IRAK1BP1: variants seen among roughly 807,000 people sequenced by gnomAD.
IRAK1BP1 encodes the protein interleukin 1 receptor associated kinase 1 binding protein 1, also known as interleukin-1 receptor-associated kinase 1-binding protein 1.
In IRAK1BP1, 24 loss-of-function variants were observed where a neutral mutation model predicts 28.0. The ratio of observed to expected loss-of-function variants is 0.86; its 90% CI spans 0.62 to 1.20. IRAK1BP1 has a LOEUF of 1.20. Among genes scored for constraint, IRAK1BP1 ranks in the 50% most tolerant of loss-of-function variants. The pLI is 0.00. For synonymous variants in IRAK1BP1, 131 were observed against 116.3 expected, an observed-to-expected ratio of 1.13 and a Z score of -0.81; for missense variants, 336 against 316.7, an observed-to-expected ratio of 1.06 and a Z score of -0.46.
At chr6:78,934,267 TA>T (rs947397073) in intron 4 of IRAK1BP1, among the ~76,000 whole-genome samples, 2 of 152,200 alleles carry the variant, frequency 1.3e-5, no homozygotes, top group African/African-American at 4.8e-5. Flanking sequence ...CATGGACAGA[TA>T]GAATGAGATT....
intron 4 of IRAK1BP1, among the ~76,000 whole-genome samples, chr6:78,944,329 G>C (rs1000646585): frequency 6.6e-6 from 1 of 152,140 alleles, no homozygotes; most frequent in Non-Finnish European, 1.5e-5. Flanking sequence ...CTGTGTGTAC[G>C]TACACACATC....
chr6:78,908,345 C>T (rs546204215), intron 4 of IRAK1BP1, among the ~76,000 whole-genome samples: 3 of 151,992 alleles, frequency 2.0e-5, no homozygotes, highest in Non-Finnish European at 2.9e-5. Context: ...CCACCACACT[C>T]GGCCATTATT....
chr6:78,960,575 T>C, the IRAK1BP1 span, among the ~76,000 whole-genome samples: 4 of 152,076 alleles, frequency 2.6e-5, no homozygotes, highest in African/African-American at 7.2e-5. Flanking sequence ...TCTACGCTTT[T>C]TGACAAATAT....
rs557469720 is a variant in IRAK1BP1 at position 78,883,549 on chromosome 6, A to G, written c.316-1829A>G. ...AAATTATCTCTCTAATAATTTTTCAATCAGAAGTTTATCAAGTGAAGTGGG... is the reference window on the plus strand; with the variant it reads ...AAATTATCTCTCTAATAATTTTTCAGTCAGAAGTTTATCAAGTGAAGTGGG... On this transcript the variant is annotated intron_variant, in intron 1 of 3. Coordinates refer to ENST00000369940, the MANE Select transcript of IRAK1BP1 (RefSeq NM_001010844.4). Among the ~76,000 whole-genome samples, 190 of 152,136 alleles carry G rather than the reference A, an allele frequency of 1.2e-3. 3 individuals are homozygous for G. Among genetic ancestry groups the G allele is most frequent in the Non-Finnish European group, 1.6e-3 (111 of 68,014 alleles).
the IRAK1BP1 span, among the ~76,000 whole-genome samples, chr6:78,952,060 G>T: frequency 0.19 from 29,392 of 151,918 alleles, 3,107 homozygotes; most frequent in Admixed American, 0.25. Context: ...CTTATTCTAG[G>T]TAAAGATTCT....
rs141899217 is a variant in IRAK1BP1, at chr6:78,879,216, G to A, written c.316-6162G>A. Among the ~76,000 whole-genome samples, 17 of 152,144 alleles carry A rather than the reference G, an allele frequency of 1.1e-4. No individual in the cohort carries two copies. In the East Asian group the frequency reaches 3.3e-3, roughly 29 times the overall value. ...GGCCTGTCTTGGGGTGGGGGTAGGG[G>A]GTAGGGATAGCATTAGGAGATACAC... On this transcript the variant is annotated intron_variant, in intron 1 of 3. Coordinates refer to ENST00000369940, the MANE Select transcript of IRAK1BP1 (RefSeq NM_001010844.4).
At chr6:78,973,177 T>G in the IRAK1BP1 span, among the ~76,000 whole-genome samples, 2 of 152,180 alleles carry the variant, frequency 1.3e-5, no homozygotes, top group African/African-American at 4.8e-5. Flanking sequence ...ACAGCGGATC[T>G]CTCAGCAGAA....
rs1771951968 is a variant in IRAK1BP1, at chr6:78,897,951, G to A, written c.504G>A (p.Glu168=). Residue 168 remains glutamate, a synonymous_variant, in exon 3 of 4, where the codon GAG becomes GAA. Transcript: ENST00000369940. Reference sequence around the variant, plus strand: ...TCTATCATACTCCAGGTTCTGTTGAGAATCTTCGGTAAGTTTAAGCACATC... The same window carrying A: ...TCTATCATACTCCAGGTTCTGTTGAAAATCTTCGGTAAGTTTAAGCACATC... ...PQFYHTPGSV[E]NLRRQACLVA... 6.2e-7 allele frequency: 1 copy of A among 1,613,872 alleles called. No homozygotes were observed. Among genetic ancestry groups the A allele is most frequent in the African/African-American group, 1.3e-5 (1 of 75,042 alleles).
At chr6:78,881,440 G>A (rs1011779218) in intron 1 of IRAK1BP1, among the ~76,000 whole-genome samples, 1 of 152,140 alleles carries the variant, frequency 6.6e-6, no homozygotes, top group South Asian at 2.1e-4. Context: ...TGGTACTGGA[G>A]TGGTACATAC....
chr6:78,903,039 G>C lies in IRAK1BP1; in HGVS notation c.*4705G>C, dbSNP rs763985117. 1.0e-4 allele frequency: 159 copies of C among 1,533,612 alleles called. 1 individual carries two copies. Among genetic ancestry groups the C allele is most frequent in the South Asian group, 3.5e-4 (29 of 83,968 alleles). On this transcript the variant is annotated 3_prime_UTR_variant, in exon 4 of 4. Transcript: ENST00000369940. ...ACATCCCAACCAACAATTACTCCCA[G>C]ATAGCCATGTCACCTGTGAATTATC... is the stretch of plus-strand genomic sequence containing the variant.
chr6:78,872,338 C>A (rs1161942290), intron 1 of IRAK1BP1, among the ~76,000 whole-genome samples: 29 of 152,152 alleles, frequency 1.9e-4, no homozygotes, highest in African/African-American at 2.4e-5. Context: ...TTTCTAGGGG[C>A]ACCCAAATTA....
At chr6:78,885,875 A>G (rs997376468) in intron 2 of IRAK1BP1, among the ~76,000 whole-genome samples, 5 of 152,206 alleles carry the variant, frequency 3.3e-5, no homozygotes, top group Non-Finnish European at 7.4e-5. Context: ...CCTTTATACA[A>G]ATTAAAAAGA....
the IRAK1BP1 span, chr6:78,969,778 C>T: frequency 7.7e-6 from 6 of 776,994 alleles, no homozygotes; most frequent in Non-Finnish European, 1.2e-5. Flanking sequence ...TAGTAAATCA[C>T]TTACTAAGAA....
chr6:78,872,351 A>G (rs1225184713), intron 1 of IRAK1BP1, among the ~76,000 whole-genome samples: 1 of 152,190 alleles, frequency 6.6e-6, no homozygotes, highest in Non-Finnish European at 1.5e-5. Context: ...CCAAATTAAG[A>G]TAAGAAGTAG....
At chr6:78,914,553 T>G (rs1294199921) in intron 4 of IRAK1BP1, among the ~76,000 whole-genome samples, 2 of 152,230 alleles carry the variant, frequency 1.3e-5, no homozygotes, top group African/African-American at 4.8e-5. Context: ...TTGTCTAAAT[T>G]CCATGTCTTC....
chr6:78,947,523 A>G (rs991669591), downstream of IRAK1BP1: 6 of 598,776 alleles, frequency 1.0e-5, no homozygotes, highest in Non-Finnish European at 1.7e-5. Context: ...TGTAACAGAA[A>G]GTTAACTTTG....
intron 2 of IRAK1BP1, among the ~76,000 whole-genome samples, chr6:78,887,818 A>G (rs1449120692): frequency 6.6e-6 from 1 of 152,224 alleles, no homozygotes; most frequent in Non-Finnish European, 1.5e-5. Flanking sequence ...AATTAAAAAT[A>G]GAACTACGAT....
the IRAK1BP1 span, among the ~76,000 whole-genome samples, chr6:78,973,176 C>G: frequency 2.0e-5 from 3 of 152,262 alleles, no homozygotes; most frequent in African/African-American, 7.2e-5. Flanking sequence ...AACAGCGGAT[C>G]TCTCAGCAGA....
At chr6:78,932,262 G>A (rs1324057252) in intron 4 of IRAK1BP1, among the ~76,000 whole-genome samples, 1 of 151,868 alleles carries the variant, frequency 6.6e-6, no homozygotes, top group East Asian at 1.9e-4. Flanking sequence ...CCAAATTTCG[G>A]TTAAAGTTGA....
Sources: allele counts gnomAD v4.1 joint callset (sites outside exome capture counted in the v4.1 genomes callset), GRCh38; gene constraint gnomAD v4.1.1; transcripts MANE v1.5; gene names NCBI Gene and HGNC (gene_info 2026-07-23, HGNC 2026-07-21).